The following FBN1 variants were observed in gnomAD, a reference collection of about 807,000 sequenced individuals.
FBN1 encodes fibrillin 1, also known as fibrillin-1.
In FBN1, 29 loss-of-function variants were observed where a neutral mutation model predicts 365.1. The ratio of observed to expected loss-of-function variants is 0.08; its 90% CI spans 0.06 to 0.11. The LOEUF is 0.11. Ranked by LOEUF, FBN1 falls within the 10% of genes least tolerant of loss-of-function variation. FBN1 has a pLI of 1.00. For synonymous variants in FBN1, 1,210 were observed against 1,270.5 expected (o/e 0.95, Z 1.01); for missense variants, 2,476 against 3,703.2 (o/e 0.67, Z 8.60).
At position 48,516,195 on chromosome 15, in the gene FBN1, G is replaced by T. The variant is rs1195398902; in HGVS notation, c.1315C>A (p.Arg439=). 1 of 1,613,542 alleles carries T rather than the reference G, an allele frequency of 6.2e-7. No homozygotes were observed. Among genetic ancestry groups the T allele is most frequent in the African/African-American group, 1.3e-5 (1 of 74,850 alleles). The change falls in exon 11 of 66, where the codon CGG becomes AGG. Residue 439 remains arginine (R), a synonymous_variant. Transcript: ENST00000316623. ...TTTGAATTCTTACTTGGTGGCTCCC[G>T]AGATGGATACAGATATTCCACTGGT... ...RPPVEYLYPS[R]EPPRVLPVNV...
intron 9 of FBN1, among the ~76,000 whole-genome samples, chr15:48,524,005 T>C (rs2043885194): frequency 6.6e-6 from 1 of 152,200 alleles, no homozygotes; most frequent in Admixed American, 6.5e-5. Flanking sequence ...TTGCAGGTCG[T>C]CTAGCCTGTC....
At position 48,505,061 on chromosome 15, in the gene FBN1, C is replaced by T; in HGVS notation, c.1924G>A (p.Gly642Arg). 6.2e-7 allele frequency: 1 copy of T among 1,614,196 alleles called. No individual in the cohort carries two copies. The highest frequency in any genetic ancestry group is 8.5e-7 in the Non-Finnish European group (1 of 1,180,034). ...DGSYRCECFPGLAVGLDGRVC... is the reference protein window; with the variant it reads ...DGSYRCECFPRLAVGLDGRVC... ...CGGCCATCCAGACCCACAGCCAGTC[C>T]AGGGAAGCATTCACATCTGTAGGAG... The change falls in exon 16 of 66, where the codon GGA becomes AGA. Residue 642 changes from glycine to arginine, a missense_variant. Gly to Arg is a moderately radical substitution (Grantham distance 125, BLOSUM62 -2). Coordinates refer to ENST00000316623, the MANE Select transcript of FBN1 (RefSeq NM_000138.5).
chr15:48,621,533 AG>A (rs1889765326), intron 2 of FBN1, among the ~76,000 whole-genome samples: 1 of 152,240 alleles, frequency 6.6e-6, no homozygotes, highest in African/African-American at 2.4e-5. Context: ...CATTAAAACA[AG>A]GAAAGTCTGA....
chr15:48,502,721 C>T (rs2043671574), intron 17 of FBN1, among the ~76,000 whole-genome samples: 1 of 152,150 alleles, frequency 6.6e-6, no homozygotes, highest in African/African-American at 2.4e-5. Flanking sequence ...TCTAAGGCAA[C>T]TCATTTTGTA....
At chr15:48,493,605 G>C (rs1274736604) in intron 23 of FBN1, among the ~76,000 whole-genome samples, 1 of 152,152 alleles carries the variant, frequency 6.6e-6, no homozygotes, top group Non-Finnish European at 1.5e-5. Flanking sequence ...CCTTGGGTGG[G>C]GGTTGTAGTG....
At position 48,539,365 on chromosome 15, in the gene FBN1, C is replaced by T. The variant is rs1042155059; in HGVS notation, c.539-1557G>A. Among the ~76,000 whole-genome samples, 5 of 152,304 alleles carry T rather than the reference C, an allele frequency of 3.3e-5. No homozygotes were observed. In the South Asian group the frequency reaches 1.0e-3, roughly 32 times the overall value. ...TGTAAAGAAGACTACCATATCCAAG[C>T]TATGGCAGCACTGGAGAGACAGACA... On this transcript the variant is annotated intron_variant, in intron 6 of 65. Coordinates refer to ENST00000316623, the MANE Select transcript of FBN1 (RefSeq NM_000138.5).
chr15:48,549,467 G>C (rs1354139937), intron 6 of FBN1, among the ~76,000 whole-genome samples: 2 of 152,156 alleles, frequency 1.3e-5, no homozygotes, highest in Admixed American at 6.5e-5. Flanking sequence ...GAGAGCATTT[G>C]GTTTTTGCTT....
At chr15:48,606,620 C>T (rs1415646355) in intron 4 of FBN1, among the ~76,000 whole-genome samples, 1 of 152,150 alleles carries the variant, frequency 6.6e-6, no homozygotes, top group Non-Finnish European at 1.5e-5. Context: ...AAAAGGGTAA[C>T]ATCAGCGCTC....
intron 25 of FBN1, among the ~76,000 whole-genome samples, chr15:48,489,594 C>T (rs556410751): frequency 3.3e-5 from 5 of 152,200 alleles, no homozygotes; most frequent in Non-Finnish European, 4.4e-5. Flanking sequence ...TTTGAGTTTA[C>T]GTAACTGACA....
chr15:48,593,731 T>C (rs948153396), intron 6 of FBN1, among the ~76,000 whole-genome samples: 8 of 152,150 alleles, frequency 5.3e-5, no homozygotes, highest in Admixed American at 3.9e-4. Flanking sequence ...GAAGAAACTA[T>C]AGTTGCTCCT....
intron 30 of FBN1, among the ~76,000 whole-genome samples, chr15:48,484,799 A>G (rs913356531): frequency 2.6e-5 from 4 of 152,328 alleles, no homozygotes; most frequent in African/African-American, 9.6e-5. Context: ...ATCAAAGCCT[A>G]TGTTATTACC....
intron 38 of FBN1, among the ~76,000 whole-genome samples, chr15:48,466,572 A>T (rs1243987059): frequency 6.6e-6 from 1 of 152,210 alleles, no homozygotes; most frequent in Non-Finnish European, 1.5e-5. Context: ...AGGAGCTATA[A>T]GATCAGTTCT....
In FBN1 at chr15:48,432,985, A is replaced by C; in HGVS notation, c.6620T>G (p.Ile2207Arg). The change falls in exon 55 of 66, where the codon ATA becomes AGA. Residue 2207 changes from isoleucine (I) to arginine (R), a missense_variant. Ile to Arg is a moderately conservative substitution (Grantham distance 97). Around this residue, in one of 5 missense-constraint regions of FBN1, gnomAD observed 1,780 missense variants for 2,840.8 expected, o/e 0.63. Transcript: ENST00000316623. Reference protein sequence around the residue: ...EPGPMMTCEDINECAQNPLLC... With the variant: ...EPGPMMTCEDRNECAQNPLLC... ...CAGAGGATTCTGGGCACATTCATTT[A>C]TATCTGCAGCAGAGGAGAGTAAGTA... 2 of 1,613,468 alleles carry C rather than the reference A, an allele frequency of 1.2e-6. No homozygotes were observed. The highest frequency in any genetic ancestry group is 1.7e-6 in the Non-Finnish European group (2 of 1,179,538).
intron 8 of FBN1, among the ~76,000 whole-genome samples, chr15:48,532,500 ATGTG>A (rs1566921224): frequency 9.3e-6 from 1 of 107,122 alleles, no homozygotes; most frequent in African/African-American, 3.6e-5. Context: ...GTATATATAT[ATGTG>A]TATGTGTGTG....
chr15:48,555,536 T>C (rs683282), intron 6 of FBN1, among the ~76,000 whole-genome samples: 73,796 of 151,976 alleles, frequency 0.49, 22,468 homozygotes, highest in African/African-American at 0.86. Context: ...TCTGAGCTCC[T>C]ATGGTGTATT....
chr15:48,514,007 G>A (rs191351622), intron 12 of FBN1, among the ~76,000 whole-genome samples: 8 of 152,254 alleles, frequency 5.3e-5, no homozygotes, highest in East Asian at 1.9e-4. Context: ...ATAGGATTCC[G>A]AGTATCTCTT....
chr15:48,435,806 GTGTGTATA>G (rs1296954190), intron 53 of FBN1, among the ~76,000 whole-genome samples: 9 of 137,214 alleles, frequency 6.6e-5, no homozygotes, highest in Admixed American at 1.6e-4. Flanking sequence ...GTGTGTGTGT[GTGTGTATA>G]TATGCCTTCT....
At chr15:48,626,238 C>T (rs1006581280) in intron 2 of FBN1, among the ~76,000 whole-genome samples, 1 of 139,524 alleles carries the variant, frequency 7.2e-6, no homozygotes, top group African/African-American at 2.7e-5. Context: ...GCCTGGGTGA[C>T]AGAGCAAGAC....
At chr15:48,486,657 T>A (rs2043509624) in intron 29 of FBN1, among the ~76,000 whole-genome samples, 1 of 152,262 alleles carries the variant, frequency 6.6e-6, no homozygotes, top group Admixed American at 6.5e-5. Context: ...TGATTTCAAC[T>A]CAGCTTTCTG....
Sources: gnomAD v4.1 joint callset for allele counts (sites outside exome capture counted in the v4.1 genomes callset) on GRCh38, gnomAD v4.1.1 for gene constraint, gnomAD v4.1.1 regional missense constraint, MANE v1.5 for transcripts, NCBI Gene and HGNC (gene_info 2026-07-23, HGNC 2026-07-21) for gene names.